Variants in LRBA observed in about 807,000 individuals in gnomAD.
LRBA encodes lipopolysaccharide-responsive and beige-like anchor protein.
A neutral mutation model predicts 330.0 loss-of-function variants in LRBA; 176 were observed. The observed-to-expected ratio is 0.53, with a 90% CI of 0.47 to 0.60. The LOEUF (loss-of-function observed/expected upper bound fraction) is 0.60, where lower values mean the gene tolerates loss of function less well. Among genes scored for constraint, LRBA ranks in the 20% least tolerant of loss-of-function variants. The pLI is 0.00. For missense variants in LRBA, 3,259 were observed against 3,444.8 expected (o/e 0.95, Z 1.35); for synonymous variants, 1,230 against 1,193.0 (o/e 1.03, Z -0.64).
chr4:150,923,769 G>A (rs571853614), intron 4 of LRBA, among the ~76,000 whole-genome samples: 1 of 152,244 alleles, frequency 6.6e-6, no homozygotes, highest in East Asian at 1.9e-4. Flanking sequence ...ATTCCTCCTT[G>A]TTAAAAATGT....
intron 34 of LRBA, among the ~76,000 whole-genome samples, chr4:150,789,365 C>T (rs185054204): frequency 6.6e-6 from 1 of 152,112 alleles, no homozygotes; most frequent in African/African-American, 2.4e-5. Flanking sequence ...TATAAAATAA[C>T]AGCTTGAATA....
chr4:150,921,093 G>C, intron 5 of LRBA, 105 bp downstream of exon 5: 1 of 679,724 alleles, frequency 1.5e-6, no homozygotes, highest in East Asian at 2.6e-5. Context: ...TTGAGCAGAA[G>C]TTTCTACCTA....
intron 36 of LRBA, among the ~76,000 whole-genome samples, chr4:150,693,333 G>A (rs1421076235): frequency 1.3e-5 from 2 of 152,026 alleles, no homozygotes; most frequent in African/African-American, 2.4e-5. Flanking sequence ...GGAGGCCGAG[G>A]TGGGCGGATC....
At chr4:150,809,702 C>A (rs1335544891) in intron 31 of LRBA, among the ~76,000 whole-genome samples, 1 of 152,052 alleles carries the variant, frequency 6.6e-6, no homozygotes, top group Non-Finnish European at 1.5e-5. Context: ...AAAAATACAA[C>A]AAAGTGGCCA....
chr4:150,474,795 G>A (rs1756531844), intron 42 of LRBA, among the ~76,000 whole-genome samples: 1 of 151,890 alleles, frequency 6.6e-6, no homozygotes, highest in Non-Finnish European at 1.5e-5. Flanking sequence ...CTTCCTTATT[G>A]CACAAACTAA....
In LRBA at chr4:150,887,726, G is replaced by A. The variant is rs1452794079; in HGVS notation, c.2165+5326C>T. On this transcript the variant is annotated intron_variant, in intron 17 of 56. Coordinates refer to ENST00000651943, the MANE Select transcript of LRBA (RefSeq NM_001364905.1). ...GGAGCTTACAGTGAGCCAAGATCGGGCCACTGCACTCCAGTCTGGGCAACA... is the reference window on the plus strand; with the variant it reads ...GGAGCTTACAGTGAGCCAAGATCGGACCACTGCACTCCAGTCTGGGCAACA... 2.0e-5 allele frequency among the ~76,000 whole-genome samples: 3 copies of A among 147,486 alleles called. No individual in the cohort carries two copies. In the Admixed American group the frequency reaches 2.1e-4, roughly 10 times the overall value.
At chr4:150,826,031 T>A (rs971862399) in intron 30 of LRBA, among the ~76,000 whole-genome samples, 1 of 152,186 alleles carries the variant, frequency 6.6e-6, no homozygotes, top group Non-Finnish European at 1.5e-5. Flanking sequence ...AATATCTTTA[T>A]CTTGCACTGA....
At chr4:150,762,730 C>T (rs1476850046) in intron 34 of LRBA, among the ~76,000 whole-genome samples, 2 of 151,828 alleles carry the variant, frequency 1.3e-5, no homozygotes, top group African/African-American at 4.8e-5. Flanking sequence ...ATTTAAGGAG[C>T]TCTTTGTATT....
chr4:150,414,405 T>C (rs1747431161), intron 47 of LRBA, among the ~76,000 whole-genome samples: 1 of 152,246 alleles, frequency 6.6e-6, no homozygotes. Context: ...TTTCCTTTTT[T>C]ACATGTGAAG....
intron 36 of LRBA, among the ~76,000 whole-genome samples, chr4:150,706,338 C>T (rs983341957): frequency 6.6e-6 from 1 of 151,704 alleles, no homozygotes; most frequent in Non-Finnish European, 1.5e-5. Flanking sequence ...TAGTATATAA[C>T]AGTAGCATCT....
At chr4:150,889,756 T>G (rs2127084192) in intron 17 of LRBA, among the ~76,000 whole-genome samples, 1 of 152,284 alleles carries the variant, frequency 6.6e-6, no homozygotes, top group South Asian at 2.1e-4. Context: ...GTTTTAGAAT[T>G]TATGGGCCAT....
At chr4:150,655,224 C>A (rs919816285) in intron 37 of LRBA, among the ~76,000 whole-genome samples, 1 of 152,098 alleles carries the variant, frequency 6.6e-6, no homozygotes, top group Non-Finnish European at 1.5e-5. Flanking sequence ...ATTACATTTG[C>A]CCCTCCCCAT....
In LRBA at chr4:150,643,047, G is replaced by C. The variant is rs565472205; in HGVS notation, c.5921+40504C>G. Among the ~76,000 whole-genome samples the C allele has an allele frequency of 3.0e-4, 45 of 151,948 alleles. No individual in the cohort carries two copies. The South Asian group carries it at 9.1e-3, about 31-fold the overall frequency. The stretch of plus-strand genomic sequence containing the variant: ...AAAAATTTTGTACATAGACTCTCTT[G>C]AAGGGAAATTTAAAGTTCCCCCTAT... On this transcript the variant is annotated intron_variant, in intron 37 of 56. Transcript: ENST00000651943.
intron 47 of LRBA, among the ~76,000 whole-genome samples, chr4:150,414,091 A>G (rs1270044590): frequency 2.6e-5 from 4 of 152,232 alleles, no homozygotes; most frequent in African/African-American, 9.7e-5. Context: ...AAGCCAGATA[A>G]TATTCTAGGC....
chr4:150,516,215 C>CTTTTTTT lies in LRBA; in HGVS notation c.6331-25181_6331-25180insAAAAAAA, dbSNP rs1384014823. On this transcript the variant is annotated intron_variant, in intron 40 of 56. Transcript: ENST00000651943. ...GTAATTCAGTCTGACATTTTCTATTCTCTTTTTTTTTTTTTTTTTTTTTTT... is the reference window on the plus strand; with the variant it reads ...GTAATTCAGTCTGACATTTTCTATTCTTTTTTTTCTTTTTTTTTTTTTTTTTTTTTTT... 2.2e-3 allele frequency among the ~76,000 whole-genome samples: 189 copies of CTTTTTTT among 86,674 alleles called. 48 individuals are homozygous for CTTTTTTT. The highest frequency in any genetic ancestry group is 3.3e-3 in the Non-Finnish European group (147 of 45,152). The allele number at this position is 86,674 out of a possible 152,430, so 56.9% of individuals were successfully genotyped here.
In LRBA at chr4:150,995,236, G is replaced by C. The variant is rs991370806; in HGVS notation, c.216+19191C>G. Among the ~76,000 whole-genome samples the C allele has an allele frequency of 9.2e-5, 14 of 152,074 alleles. 1 individual carries two copies. Among genetic ancestry groups the C allele is most frequent in the East Asian group, 7.7e-4 (4 of 5,174 alleles). On this transcript the variant is annotated intron_variant, in intron 2 of 56. Coordinates refer to ENST00000651943, the MANE Select transcript of LRBA (RefSeq NM_001364905.1). ...TCTGGGTTGGAAGAGACTAGAGCAT[G>C]ACAGAAGCAAACACCAATCCAGCCA...
intron 47 of LRBA, among the ~76,000 whole-genome samples, chr4:150,365,716 G>C (rs1277229641): frequency 6.7e-6 from 1 of 149,756 alleles, no homozygotes; most frequent in Non-Finnish European, 1.5e-5. Flanking sequence ...TCTTGAACCA[G>C]GGAGACAGAG....
At position 150,559,636 on chromosome 4, in the gene LRBA, ATT is replaced by A. The variant is rs1272970520; in HGVS notation, c.6330+28410_6330+28411del. Among the ~76,000 whole-genome samples the A allele has an allele frequency of 6.0e-5, 4 of 67,070 alleles. No individual in the cohort carries two copies. The Admixed American group carries it at 8.9e-4, about 15-fold the overall frequency. The allele number at this position is 67,070 out of a possible 152,430, so 44.0% of individuals were successfully genotyped here. A position where few individuals can be genotyped will look rare whatever the true frequency, so the allele number is the denominator to read the frequency against. On this transcript the variant is annotated intron_variant, in intron 40 of 56. Transcript: ENST00000651943. ...TATATTGTATTATTTTATAATATAT[ATT>A]TATATAATATAATATATAATTATAA...
intron 46 of LRBA, 57 bp from the exon 47 acceptor site, chr4:150,415,647 T>A: frequency 1.9e-6 from 2 of 1,051,988 alleles, no homozygotes; most frequent in African/African-American, 1.6e-5. Flanking sequence ...TGACTAGATA[T>A]TCAAAAAAAG....
Sources: gnomAD v4.1 joint callset for allele counts (sites outside exome capture counted in the v4.1 genomes callset) on GRCh38, gnomAD v4.1.1 for gene constraint, MANE v1.5 for transcripts, NCBI Gene and HGNC (gene_info 2026-07-23, HGNC 2026-07-21) for gene names.